Variants in ZC2HC1A observed in about 807,000 individuals in gnomAD.
ZC2HC1A encodes zinc finger C2HC domain-containing protein 1A.
A neutral mutation model predicts 40.7 loss-of-function variants in ZC2HC1A; 28 were observed. The observed-to-expected ratio is 0.69, with a 90% CI of 0.51 to 0.94. The LOEUF is 0.94. ZC2HC1A is among the 40% of genes least tolerant of loss of function. ZC2HC1A has a pLI of 0.00. For missense variants in ZC2HC1A, 389 were observed against 386.3 expected (o/e 1.01, Z -0.06); for synonymous variants, 129 against 129.2 (o/e 1.00, Z 0.01).
At position 78,697,625 on chromosome 8, in the gene ZC2HC1A, G is replaced by A. The variant is rs963884252; in HGVS notation, c.604+119G>A. 41 of 669,208 alleles carry A rather than the reference G, an allele frequency of 6.1e-5. No individual in the cohort carries two copies. In the African/African-American group the frequency reaches 7.6e-4, roughly 12 times the overall value. The allele number at this position is 669,208 out of a possible 1,614,324, so 41.5% of individuals were successfully genotyped here. On this transcript the variant is annotated intron_variant, in intron 6 of 8. Coordinates refer to ENST00000263849, the MANE Select transcript of ZC2HC1A (RefSeq NM_016010.3). ...AGATTTATAATTAAGAAGAGATGTA[G>A]AAGTTAAGTAATTATTTTTTAAAAT... is the stretch of plus-strand genomic sequence containing the variant.
At chr8:78,666,281 TC>T in intron 1 of ZC2HC1A, 117 bp downstream of exon 1, 3 of 1,474,030 alleles carry the variant, frequency 2.0e-6, no homozygotes, top group Non-Finnish European at 2.8e-6. Flanking sequence ...CCTCGCCGCG[TC>T]CCGCCGCGCC....
chr8:78,709,188 G>A (rs1810878156), intron 7 of ZC2HC1A, among the ~76,000 whole-genome samples: 1 of 152,114 alleles, frequency 6.6e-6, no homozygotes, highest in Admixed American at 6.6e-5. Context: ...TTACTTTGGA[G>A]AGCAACTGTA....
At chr8:78,690,662 T>G (rs1225351323) in intron 5 of ZC2HC1A, among the ~76,000 whole-genome samples, 1 of 152,170 alleles carries the variant, frequency 6.6e-6, no homozygotes, top group Non-Finnish European at 1.5e-5. Flanking sequence ...GCATTTGAGA[T>G]TATATTAAAT....
intron 5 of ZC2HC1A, among the ~76,000 whole-genome samples, chr8:78,695,038 A>C (rs567013792): frequency 6.6e-6 from 1 of 152,268 alleles, no homozygotes; most frequent in Non-Finnish European, 1.5e-5. Flanking sequence ...AATAGATAGA[A>C]TATAGCTCAG....
In ZC2HC1A at chr8:78,718,376, CAT is replaced by C. The variant is rs1244943048; in HGVS notation, c.*887_*888del. On this transcript the variant is annotated 3_prime_UTR_variant, in exon 9 of 9. Transcript: ENST00000263849. ...CTGCAAAATCTTACATGTTTAAAAA[CAT>C]ATAATTTTTTGTATCTGAATTTAGA... 9 of 152,000 alleles carry C rather than the reference CAT, an allele frequency of 5.9e-5. No homozygotes were observed. The highest frequency in any genetic ancestry group is 2.1e-4 in the South Asian group (1 of 4,832). 9.4% of individuals were successfully genotyped at this position (152,000 alleles called of 1,614,324 possible). A position where few individuals can be genotyped will look rare whatever the true frequency, so the allele number is the denominator to read the frequency against.
rs534563695 is a variant in ZC2HC1A at position 78,690,779 on chromosome 8, G to A, written c.504+1406G>A. On this transcript the variant is annotated intron_variant, in intron 5 of 8. Coordinates refer to ENST00000263849, the MANE Select transcript of ZC2HC1A (RefSeq NM_016010.3). ...TTAGGTTTTATTTTAGCAGTGTTTT[G>A]TAGTGTATATTATATAGGTCATACA... 4.6e-5 allele frequency among the ~76,000 whole-genome samples: 7 copies of A among 152,138 alleles called. 1 individual carries two copies. The highest frequency in any genetic ancestry group is 6.8e-3 in the Middle Eastern group (2 of 292).
chr8:78,711,766 T>C (rs1810957406), intron 7 of ZC2HC1A, among the ~76,000 whole-genome samples: 1 of 152,114 alleles, frequency 6.6e-6, no homozygotes, highest in African/African-American at 2.4e-5. Flanking sequence ...TTTGTTTGGA[T>C]GTGTAGGGTA....
chr8:78,697,059 G>T (rs1810444747), intron 5 of ZC2HC1A, among the ~76,000 whole-genome samples: 1 of 152,072 alleles, frequency 6.6e-6, no homozygotes, highest in African/African-American at 2.4e-5. Flanking sequence ...AAACCTTTGA[G>T]GTGATATATT....
chr8:78,716,932 T>C (rs1811125689), intron 8 of ZC2HC1A, among the ~76,000 whole-genome samples: 1 of 152,162 alleles, frequency 6.6e-6, no homozygotes, highest in South Asian at 2.1e-4. Flanking sequence ...ACATGCTTGC[T>C]TCCCCTTTGC....
At position 78,689,387 on chromosome 8, in the gene ZC2HC1A, T is replaced by A; in HGVS notation, c.504+14T>A. 1 of 1,550,692 alleles carries A rather than the reference T, an allele frequency of 6.4e-7. No individual in the cohort carries two copies. The highest frequency in any genetic ancestry group is 8.7e-7 in the Non-Finnish European group (1 of 1,151,840). ...CGGACACAGGTGGTAAGTTCAGTTT[T>A]AATAATTGCTATAAACGAGAAAATG... On this transcript the variant is annotated intron_variant, in intron 5 of 8. Coordinates refer to ENST00000263849, the MANE Select transcript of ZC2HC1A (RefSeq NM_016010.3).
chr8:78,692,607 A>T (rs972860660), intron 5 of ZC2HC1A, among the ~76,000 whole-genome samples: 1 of 152,108 alleles, frequency 6.6e-6, no homozygotes, highest in Non-Finnish European at 1.5e-5. Context: ...GTAGGTGGTT[A>T]AATCCAGGGT....
intron 7 of ZC2HC1A, among the ~76,000 whole-genome samples, chr8:78,712,643 G>A (rs997230976): frequency 6.6e-6 from 1 of 152,136 alleles, no homozygotes; most frequent in African/African-American, 2.4e-5. Context: ...AAAGAGTCAA[G>A]CTCGAGGAAG....
At chr8:78,694,094 C>T (rs550946751) in intron 5 of ZC2HC1A, among the ~76,000 whole-genome samples, 3 of 152,158 alleles carry the variant, frequency 2.0e-5, no homozygotes, top group African/African-American at 7.2e-5. Context: ...TGGTCTATAT[C>T]TCTGTTTTGT....
chr8:78,707,650 G>T (rs1322296925), intron 7 of ZC2HC1A, among the ~76,000 whole-genome samples: 1 of 152,112 alleles, frequency 6.6e-6, no homozygotes, highest in Admixed American at 6.5e-5. Flanking sequence ...ATATATAACT[G>T]TCAATCATAC....
intron 1 of ZC2HC1A, among the ~76,000 whole-genome samples, chr8:78,673,368 G>A (rs1424722884): frequency 6.6e-6 from 1 of 152,106 alleles, no homozygotes. Flanking sequence ...TAGTGCTGCA[G>A]TAAGCATACG....
At position 78,667,474 on chromosome 8, in the gene ZC2HC1A, A is replaced by G. The variant is rs145426104; in HGVS notation, c.16+1310A>G. Among the ~76,000 whole-genome samples the G allele has an allele frequency of 5.7e-3, 870 of 152,294 alleles. 7 individuals are homozygous for G. The highest frequency in any genetic ancestry group is 0.02 in the African/African-American group (814 of 41,552). On this transcript the variant is annotated intron_variant, in intron 1 of 8. Transcript: ENST00000263849. ...TGGAATTCTCATGAGATTATCATATATAATATGATAAGGTTTTATTACATA... is the reference window on the plus strand; with the variant it reads ...TGGAATTCTCATGAGATTATCATATGTAATATGATAAGGTTTTATTACATA...
Position 78,702,113 on chromosome 8 carries a change from A to G in ZC2HC1A, c.704+3600A>G, listed in dbSNP as rs192776685. Among the ~76,000 whole-genome samples the G allele has an allele frequency of 2.8e-4, 43 of 151,984 alleles. No homozygotes were observed. The East Asian group carries it at 7.1e-3, about 25-fold the overall frequency. On this transcript the variant is annotated intron_variant, in intron 7 of 8. Coordinates refer to ENST00000263849, the MANE Select transcript of ZC2HC1A (RefSeq NM_016010.3). ...TCCATCTGGTCCTGGGCTTTTTTCA[A>G]TTGGTAAGCTATTTATTACTGCCTC...
At chr8:78,686,353 G>A (rs1388984954) in intron 3 of ZC2HC1A, 114 bp from the exon 4 acceptor site, 2 of 877,894 alleles carry the variant, frequency 2.3e-6, no homozygotes, top group African/African-American at 3.5e-5. Context: ...ATCATTTAAG[G>A]ACTCCTGATA....
At position 78,719,375 on chromosome 8, in the gene ZC2HC1A, C is replaced by A. The variant is rs1026791356; in HGVS notation, c.*1882C>A. On this transcript the variant is annotated 3_prime_UTR_variant, in exon 9 of 9. Transcript: ENST00000263849. ...ACATGGAGATGAGTTGGTAAGAAAT[C>A]ATCTAGTTCCAGAGCCCAGAGATTA... 6.6e-6 allele frequency: 1 copy of A among 151,578 alleles called. No individual in the cohort carries two copies. The highest frequency in any genetic ancestry group is 2.4e-5 in the African/African-American group (1 of 41,400). 9.4% of individuals were successfully genotyped at this position (151,578 alleles called of 1,614,324 possible).
Sources: gnomAD v4.1 joint callset for allele counts (sites outside exome capture counted in the v4.1 genomes callset) on GRCh38, gnomAD v4.1.1 for gene constraint, MANE v1.5 for transcripts, NCBI Gene and HGNC (gene_info 2026-07-23, HGNC 2026-07-21) for gene names.